The following USP39 variants were observed in gnomAD, a reference collection of about 807,000 sequenced individuals.
USP39 encodes ubiquitin specific peptidase 39.
Under a neutral mutation model 66.4 loss-of-function variants are expected in USP39, and 38 were observed. The ratio of observed to expected loss-of-function variants is 0.57; its 90% CI spans 0.44 to 0.75. USP39 has a LOEUF of 0.75. USP39 is among the 30% of genes least tolerant of loss of function. USP39 has a pLI of 0.00. For missense variants in USP39, 608 were observed against 714.4 expected (o/e 0.85, Z 1.70); for synonymous variants, 303 against 274.6 (o/e 1.10, Z -1.02).
chr2:85,629,063 GT>G (rs1675105332), intron 5 of USP39, among the ~76,000 whole-genome samples: 1 of 152,020 alleles, frequency 6.6e-6, no homozygotes, highest in Non-Finnish European at 1.5e-5. Context: ...TCCCAGTTTC[GT>G]TTTGTTTTGT....
upstream of USP39, chr2:85,611,759 C>T (rs754900739): frequency 1.2e-6 from 2 of 1,612,184 alleles, no homozygotes; most frequent in East Asian, 2.2e-5. Context: ...CCTTGGCCGC[C>T]TGCTTCACCT....
At position 85,616,352 on chromosome 2, in the gene USP39, G is replaced by C. The variant is rs754552396; in HGVS notation, c.157G>C (p.Glu53Gln). ...GGGCAGCCCTGTGCGCGTGAAGCGGGAGTTCGAGCCGGCGAGCGCGCGCGA... is the reference window on the plus strand; with the variant it reads ...GGGCAGCCCTGTGCGCGTGAAGCGGCAGTTCGAGCCGGCGAGCGCGCGCGA... ...SRGSPVRVKR[E>Q]FEPASAREAP... Residue 53 changes from glutamate (E) to glutamine (Q), a missense_variant, in exon 1 of 13, where the codon GAG becomes CAG. Glu to Gln is a conservative substitution (Grantham distance 29, BLOSUM62 2). Around this residue, in one of 6 missense-constraint regions of USP39, gnomAD observed 207 missense variants for 145.7 expected, o/e 1.42. Transcript: ENST00000323701. 6.6e-5 allele frequency: 106 copies of C among 1,601,852 alleles called. No homozygotes were observed. Among genetic ancestry groups the C allele is most frequent in the Non-Finnish European group, 8.3e-5 (98 of 1,174,608 alleles).
chr2:85,636,865 C>G (rs1262513531), intron 7 of USP39, among the ~76,000 whole-genome samples: 1 of 152,174 alleles, frequency 6.6e-6, no homozygotes. Flanking sequence ...TGTGTTAACC[C>G]TCTGAGCTCT....
intron 6 of USP39, among the ~76,000 whole-genome samples, chr2:85,632,244 C>T (rs1675404743): frequency 6.6e-6 from 1 of 151,986 alleles, no homozygotes; most frequent in South Asian, 2.1e-4. Context: ...GAAGAACTCC[C>T]AGTCTGGTGG....
intron 6 of USP39, among the ~76,000 whole-genome samples, chr2:85,632,031 T>C (rs1407027410): frequency 5.3e-5 from 8 of 152,162 alleles, no homozygotes; most frequent in African/African-American, 1.9e-4. Context: ...TGTGAGCCAC[T>C]GCGCCCGGCC....
rs1372414100 is a variant in USP39 at position 85,648,801 on chromosome 2, G to A, written c.1691G>A (p.Gly564Glu). 3.1e-6 allele frequency: 5 copies of A among 1,614,042 alleles called. No homozygotes were observed. Among genetic ancestry groups the A allele is most frequent in the African/African-American group, 1.3e-5 (1 of 74,912 alleles). Residue 564 changes from glycine (G) to glutamate (E), a missense_variant, in exon 13 of 13, where the codon GGG becomes GAG. Physicochemically the swap from Gly to Glu is moderately conservative, Grantham distance 98. Around this residue, in one of 6 missense-constraint regions of USP39, gnomAD observed 164 missense variants for 250.3 expected, o/e 0.66. Coordinates refer to ENST00000323701, the MANE Select transcript of USP39 (RefSeq NM_006590.4). ...RRDNDETNQQ[G>E]A The stretch of plus-strand genomic sequence containing the variant: ...GATAATGATGAAACCAACCAGCAGG[G>A]GGCTTGAAGGAGGCGTCTAGGGCTT...
At chr2:85,623,244 G>A (rs1259938821) in intron 3 of USP39, among the ~76,000 whole-genome samples, 1 of 151,952 alleles carries the variant, frequency 6.6e-6, no homozygotes, top group Admixed American at 6.6e-5. Flanking sequence ...CATAGGATAT[G>A]TATGTATTTA....
In USP39 at chr2:85,648,911, C is replaced by G; in HGVS notation, c.*103C>G. On this transcript the variant is annotated 3_prime_UTR_variant, in exon 13 of 13. Coordinates refer to ENST00000323701, the MANE Select transcript of USP39 (RefSeq NM_006590.4). ...CAGGCTGGCTGGTGGGCTTCCTAGG[C>G]CAGCCCAGCTTGTATGGGTTCTGGC... is the stretch of plus-strand genomic sequence containing the variant. 1 of 1,410,828 alleles carries G rather than the reference C, an allele frequency of 7.1e-7. No homozygotes were observed. The highest frequency in any genetic ancestry group is 2.5e-4 in the Middle Eastern group (1 of 4,068). 87.4% of individuals were successfully genotyped at this position (1,410,828 alleles called of 1,614,324 possible).
At position 85,606,975 on chromosome 2, in the gene USP39, CG is replaced by C. The variant is rs1673236307; in HGVS notation, n.226+3898del. 8 of 151,710 alleles carry C rather than the reference CG, an allele frequency of 5.3e-5. No individual in the cohort carries two copies. In the South Asian group the frequency reaches 1.5e-3, roughly 28 times the overall value. 9.4% of individuals were successfully genotyped at this position (151,710 alleles called of 1,614,324 possible). ...TAATTTTTTGTATTTTTAGTAGAGA[CG>C]GGGTTTCTGTGTTAGCCAGGACGGT... On this transcript the variant is annotated intron_variant and non_coding_transcript_variant, in intron 1 of 12. Coordinates refer to the USP39 transcript ENST00000459775.
Position 85,621,977 on chromosome 2 carries a change from G to A in USP39, c.433+398G>A. Among the ~76,000 whole-genome samples, 2 of 151,764 alleles carry A rather than the reference G, an allele frequency of 1.3e-5. 1 individual carries two copies. The highest frequency in any genetic ancestry group is 2.9e-5 in the Non-Finnish European group (2 of 67,944). The stretch of plus-strand genomic sequence containing the variant: ...TGAGATTACAGGCGCCTGCCACCAT[G>A]CCTGGCTAATTTTTGTATTTTTAGT... On this transcript the variant is annotated intron_variant, in intron 3 of 12. Coordinates refer to ENST00000323701, the MANE Select transcript of USP39 (RefSeq NM_006590.4).
chr2:85,618,236 A>G (rs1410567513), intron 1 of USP39, among the ~76,000 whole-genome samples: 3 of 148,608 alleles, frequency 2.0e-5, no homozygotes, highest in Non-Finnish European at 3.0e-5. Context: ...GATTACAGGC[A>G]TGAGCCACTC....
In USP39 at chr2:85,637,403, G is replaced by A. The variant is rs775842474; in HGVS notation, c.1062G>A (p.Arg354=). Reference sequence around the variant, plus strand: ...CTGATGTTTTCCAGGGGTCCATGAGGATCTTCACTAAAAAGCTTCCCCATC... The same window carrying A: ...CTGATGTTTTCCAGGGGTCCATGAGAATCTTCACTAAAAAGCTTCCCCATC... ...IVTDVFQGSM[R]IFTKKLPHPD... The change falls in exon 8 of 13, where the codon AGG becomes AGA. Residue 354 remains arginine, a synonymous_variant. Coordinates refer to ENST00000323701, the MANE Select transcript of USP39 (RefSeq NM_006590.4). The A allele has an allele frequency of 7.4e-6, 12 of 1,614,026 alleles. No individual in the cohort carries two copies. Among genetic ancestry groups the A allele is most frequent in the Non-Finnish European group, 8.5e-6 (10 of 1,180,030 alleles).
At chr2:85,634,444 C>A (rs922466387) in intron 6 of USP39, among the ~76,000 whole-genome samples, 2 of 152,100 alleles carry the variant, frequency 1.3e-5, no homozygotes, top group Non-Finnish European at 2.9e-5. Flanking sequence ...CATGATGGCA[C>A]ACGCCTGTAG....
chr2:85,619,413 G>T (rs931088219), intron 2 of USP39, 124 bp downstream of exon 2: 14 of 926,940 alleles, frequency 1.5e-5, no homozygotes, highest in South Asian at 3.3e-5. Context: ...CTAGAGAGTT[G>T]TGCTTCTTGC....
upstream of USP39, chr2:85,607,702 G>A (rs1180411376): frequency 2.6e-5 from 4 of 152,202 alleles, no homozygotes; most frequent in African/African-American, 9.7e-5. Flanking sequence ...CCTGGGGCAA[G>A]GGCCTATGGT....
At chr2:85,625,842 AC>A in intron 5 of USP39, 151 bp downstream of exon 5, 9 of 943,888 alleles carry the variant, frequency 9.5e-6, no homozygotes, top group Non-Finnish European at 1.4e-5. Flanking sequence ...ACATGGAGAA[AC>A]CCTGTCTCTA....
chr2:85,638,398 A>T (rs1023696936), intron 8 of USP39, among the ~76,000 whole-genome samples: 3 of 151,586 alleles, frequency 2.0e-5, no homozygotes, highest in African/African-American at 4.9e-5. Context: ...TGGTGGCGTG[A>T]TTATGGTTCA....
intron 5 of USP39, among the ~76,000 whole-genome samples, chr2:85,630,449 A>G (rs1338946293): frequency 6.6e-6 from 1 of 152,176 alleles, no homozygotes; most frequent in Non-Finnish European, 1.5e-5. Flanking sequence ...AGATTTGAAT[A>G]CCTGTGTTTT....
intron 7 of USP39, 45 bp from the exon 8 acceptor site, chr2:85,637,324 T>C: frequency 6.2e-7 from 1 of 1,601,362 alleles, no homozygotes; most frequent in Non-Finnish European, 8.6e-7. Flanking sequence ...TTCAGACATG[T>C]TTTCCATCCT....
Sources: allele counts gnomAD v4.1 joint callset (sites outside exome capture counted in the v4.1 genomes callset), GRCh38; gene constraint gnomAD v4.1.1; regional missense constraint gnomAD v4.1.1; transcripts MANE v1.5; gene names NCBI Gene and HGNC (gene_info 2026-07-23, HGNC 2026-07-21).